The following GTF3C1 variants were observed in gnomAD, a reference collection of about 807,000 sequenced individuals.
GTF3C1 encodes the protein general transcription factor 3C polypeptide 1.
In GTF3C1, 57 loss-of-function variants were observed where a neutral mutation model predicts 226.7. The observed-to-expected ratio is 0.25, with a 90% CI of 0.20 to 0.31. The LOEUF (loss-of-function observed/expected upper bound fraction) is 0.31. GTF3C1 is among the 10% of genes least tolerant of loss of function. The pLI is 1.00. For synonymous variants in GTF3C1, 1,090 were observed against 1,084.8 expected, an observed-to-expected ratio of 1.00 and a Z score of -0.09; for missense variants, 2,217 against 2,776.1, an observed-to-expected ratio of 0.80 and a Z score of 4.53.
intron 32 of GTF3C1, 140 bp from the exon 33 acceptor site, chr16:27,465,680 G>A (rs1041153900): frequency 7.4e-6 from 5 of 672,954 alleles, no homozygotes; most frequent in African/African-American, 1.8e-5. Context: ...CACCTGCTGG[G>A]TGGACACACT....
chr16:27,489,839 C>A, intron 19 of GTF3C1, 96 bp from the exon 20 acceptor site: 1 of 1,323,238 alleles, frequency 7.6e-7, no homozygotes, highest in South Asian at 1.3e-5. Flanking sequence ...AGTGGATTCC[C>A]TGCCTGTGAA....
rs2141340239 is a variant in GTF3C1, at chr16:27,464,629, G to A, written c.5563C>T (p.His1855Tyr). 1.3e-6 allele frequency: 2 copies of A among 1,509,804 alleles called. No homozygotes were observed. The highest frequency in any genetic ancestry group is 1.8e-6 in the Non-Finnish European group (2 of 1,129,970). The allele number at this position is 1,509,804 out of a possible 1,614,324, so 93.5% of individuals were successfully genotyped here. The change falls in exon 34 of 37, where the codon CAC (histidine) becomes TAC (tyrosine). Residue 1855 changes from histidine (H) to tyrosine (Y), a missense_variant. Transcript: ENST00000356183. Reference sequence around the variant, plus strand: ...CGCCTCTTGGTGCCCCGGGGGCTGTGAGAAGGAGGTGCCTGCCCCTCGGGG... The same window carrying A: ...CGCCTCTTGGTGCCCCGGGGGCTGTAAGAAGGAGGTGCCTGCCCCTCGGGG... Reference protein sequence around the residue: ...SPPEGQAPPSHSPRGTKRRAS... With the variant: ...SPPEGQAPPSYSPRGTKRRAS...
chr16:27,511,785 A>G lies in GTF3C1; in HGVS notation c.1090T>C (p.Phe364Leu), dbSNP rs1167819009. 7.4e-6 allele frequency: 12 copies of G among 1,614,078 alleles called. 1 individual carries two copies. The highest frequency in any genetic ancestry group is 2.7e-5 in the African/African-American group (2 of 74,910). ...GTCTGTGTGAGCATATCCCGCTCGA[A>G]CACAATGTCCACTGGAGGCACTGTC... ...SKTVPPVDIV[F>L]ERDMLTQTYD... The change falls in exon 7 of 37, where the codon TTC becomes CTC. Residue 364 changes from phenylalanine to leucine, a missense_variant. Coordinates refer to ENST00000356183, the MANE Select transcript of GTF3C1 (RefSeq NM_001520.4).
intron 12 of GTF3C1, among the ~76,000 whole-genome samples, chr16:27,499,347 C>T (rs1230115963): frequency 6.6e-6 from 1 of 152,214 alleles, no homozygotes; most frequent in Non-Finnish European, 1.5e-5. Context: ...AGGGAAGTAA[C>T]TTGAATGCCC....
Position 27,492,686 on chromosome 16 carries a change from G to T in GTF3C1, c.2904C>A (p.Asn968Lys). ...KRRYIFSVVE[N>K]LQRLCYMGLL... is the part of the protein sequence containing the mutation. ...GCCCCATGTAGCACAGCCTCTGAAG[G>T]TTCTCCACCACCGAAAAAATGTAAC... The change falls in exon 18 of 37, where the codon AAC (asparagine) becomes AAA (lysine). Residue 968 changes from asparagine (N) to lysine (K), a missense_variant. By Grantham distance (94) the Asn-to-Lys change is moderately conservative. Around this residue, in one of 12 missense-constraint regions of GTF3C1, gnomAD observed 353 missense variants for 411.7 expected, o/e 0.86. Transcript: ENST00000356183. The surrounding 1 kb of genome is among the most constrained non-coding windows in gnomAD (Gnocchi z 5.0). 6.2e-7 allele frequency: 1 copy of T among 1,602,374 alleles called. No homozygotes were observed. Among genetic ancestry groups the T allele is most frequent in the African/African-American group, 1.3e-5 (1 of 74,792 alleles).
intron 28 of GTF3C1, 100 bp downstream of exon 28, chr16:27,478,369 G>A (rs2087984868): frequency 3.6e-6 from 3 of 832,826 alleles, no homozygotes; most frequent in Non-Finnish European, 2.1e-6. Context: ...CAAACAGGTA[G>A]TGGGCTGGAT....
intron 2 of GTF3C1, among the ~76,000 whole-genome samples, chr16:27,538,673 G>C (rs955250138): frequency 6.6e-6 from 1 of 152,088 alleles, no homozygotes; most frequent in African/African-American, 2.4e-5. Flanking sequence ...AGCTCTCCAC[G>C]GCCCATCCCT....
At position 27,470,265 on chromosome 16, in the gene GTF3C1, T is replaced by A; in HGVS notation, c.4657A>T (p.Thr1553Ser). 1.2e-6 allele frequency: 2 copies of A among 1,614,124 alleles called. No homozygotes were observed. Among genetic ancestry groups the A allele is most frequent in the Admixed American group, 3.3e-5 (2 of 60,030 alleles). Residue 1553 changes from threonine to serine, a missense_variant, in exon 31 of 37, where the codon ACA becomes TCA. Transcript: ENST00000356183. The surrounding 1 kb of genome is among the most constrained non-coding windows in gnomAD (Gnocchi z 4.9). ...AGTGAAAAGGCCACCATGTCGTTTG[T>A]GGGCTCGTTATTATCCTGGTCTTTG... is the stretch of plus-strand genomic sequence containing the variant. ...SFKDQDNNEPTNDMVAFSLDG... is the reference protein window; with the variant it reads ...SFKDQDNNEPSNDMVAFSLDG...
At chr16:27,506,647 A>T (rs562242569) in intron 9 of GTF3C1, among the ~76,000 whole-genome samples, 200 bp downstream of exon 9, 15 of 152,346 alleles carry the variant, frequency 9.8e-5, no homozygotes, top group Non-Finnish European at 1.5e-4. Context: ...CCACGAAGAA[A>T]TGATTTGCAA....
intron 13 of GTF3C1, 107 bp downstream of exon 13, chr16:27,498,521 AAT>A (rs1262677333): frequency 1.4e-6 from 1 of 732,802 alleles, no homozygotes; most frequent in African/African-American, 1.7e-5. Context: ...CAAACCAACA[AAT>A]TCACTGATCC....
intron 9 of GTF3C1, 39 bp from the exon 10 acceptor site, chr16:27,506,155 G>A (rs2088481470): frequency 8.7e-7 from 1 of 1,154,012 alleles, no homozygotes; most frequent in Non-Finnish European, 1.3e-6. Flanking sequence ...TCAAGGGGGA[G>A]GCCAGGAGGG....
chr16:27,512,210 C>T (rs1042650591), intron 6 of GTF3C1, among the ~76,000 whole-genome samples: 1 of 152,186 alleles, frequency 6.6e-6, no homozygotes, highest in Non-Finnish European at 1.5e-5. Context: ...TGGAGACCAG[C>T]TCCATGACAA....
At chr16:27,540,489 T>C (rs1335907069) in intron 2 of GTF3C1, among the ~76,000 whole-genome samples, 1 of 152,180 alleles carries the variant, frequency 6.6e-6, no homozygotes, top group African/African-American at 2.4e-5. Flanking sequence ...ACTGACATGA[T>C]CCCAATGTTT....
chr16:27,501,814 G>T (rs551401236), intron 11 of GTF3C1, among the ~76,000 whole-genome samples: 1 of 152,328 alleles, frequency 6.6e-6, no homozygotes, highest in Admixed American at 6.5e-5. Context: ...ATCATAGAAT[G>T]CAGGGCCAGT....
rs143331742 is a variant in GTF3C1, at chr16:27,465,447, T to C, written c.5168A>G (p.Glu1723Gly). 9.0e-5 allele frequency: 145 copies of C among 1,612,888 alleles called. 1 individual carries two copies. In the African/African-American group the frequency reaches 1.6e-3, roughly 17 times the overall value. ...INPQENTCSLEEFVLQLELSG... is the reference protein window; with the variant it reads ...INPQENTCSLGEFVLQLELSG... ...CAGCTCCAGCTGGAGGACAAACTCC[T>C]CCAAGCTGCAGGTGTTTTCCTGGGG... The change falls in exon 33 of 37, where the codon GAG becomes GGG. Residue 1723 changes from glutamate to glycine, a missense_variant. By Grantham distance (98) the Glu-to-Gly change is moderately conservative. This residue lies in a region of GTF3C1 where 455 missense variants were observed against 441.9 expected (regional missense o/e 1.03). Transcript: ENST00000356183.
In GTF3C1 at chr16:27,469,396, C is replaced by A; in HGVS notation, c.4969G>T (p.Val1657Phe). 6.2e-7 allele frequency: 1 copy of A among 1,613,538 alleles called. No homozygotes were observed. Among genetic ancestry groups the A allele is most frequent in the East Asian group, 2.2e-5 (1 of 44,880 alleles). The change falls in exon 32 of 37, where the codon GTC becomes TTC. Residue 1657 changes from valine (V) to phenylalanine (F), a missense_variant. Physicochemically the swap from Val to Phe is conservative, Grantham distance 50. This residue lies in a region of GTF3C1 where 455 missense variants were observed against 441.9 expected (regional missense o/e 1.03). Coordinates refer to ENST00000356183, the MANE Select transcript of GTF3C1 (RefSeq NM_001520.4). This position sits in a 1 kb window ranked among gnomAD's most constrained non-coding sequence, Gnocchi z 4.5. ...TTGGGGTTGAGGTTGCGGGTGCTGA[C>A]GATGCCGGGGGAGTAGTAGCCCCTC... ...LMRGYYSPGI[V>F]STRNLNPNDS...
At position 27,464,308 on chromosome 16, in the gene GTF3C1, GGC is replaced by G. The variant is rs765613774; in HGVS notation, c.5872+10_5872+11del. ...TGGGGTGAGGTGGGGTGGGGGACAA[GGC>G]GCGCGGTACCTCTGGGGTCTTCAGA... On this transcript the variant is annotated intron_variant, in intron 34 of 36. Transcript: ENST00000356183. 7.5e-5 allele frequency: 108 copies of G among 1,444,962 alleles called. 1 individual carries two copies. Among genetic ancestry groups the G allele is most frequent in the South Asian group, 3.1e-5 (2 of 63,750 alleles). The allele number at this position is 1,444,962 out of a possible 1,614,324, so 89.5% of individuals were successfully genotyped here.
chr16:27,521,079 C>T (rs1213514953), intron 6 of GTF3C1, among the ~76,000 whole-genome samples: 2 of 152,218 alleles, frequency 1.3e-5, no homozygotes, highest in African/African-American at 4.8e-5. Flanking sequence ...CTGTGCAGTG[C>T]TAACAGCAGC....
At position 27,461,385 on chromosome 16, in the gene GTF3C1, G is replaced by C. The variant is rs200376969; in HGVS notation, c.6295C>G (p.His2099Asp). 1.2e-6 allele frequency: 2 copies of C among 1,613,072 alleles called. No individual in the cohort carries two copies. Among genetic ancestry groups the C allele is most frequent in the Admixed American group, 1.7e-5 (1 of 59,980 alleles). ...CTLRLGRVFP[H>D]EVNWNKWIHL ...ATCCACTTGTTCCAGTTGACCTCGT[G>C]GGGGAACACACGGCCCAGCCGGAGG... Residue 2099 changes from histidine (H) to aspartate (D), a missense_variant, in exon 37 of 37, where the codon CAC becomes GAC. His to Asp is a moderately conservative substitution (Grantham distance 81). Around this residue, in one of 12 missense-constraint regions of GTF3C1, gnomAD observed 153 missense variants for 199.8 expected, o/e 0.77. Transcript: ENST00000356183. The surrounding 1 kb of genome is among the most constrained non-coding windows in gnomAD (Gnocchi z 5.3).
Sources: allele counts gnomAD v4.1 joint callset (sites outside exome capture counted in the v4.1 genomes callset), GRCh38; gene constraint gnomAD v4.1.1; regional missense constraint gnomAD v4.1.1; non-coding constraint Gnocchi (gnomAD v3.1); transcripts MANE v1.5; gene names NCBI Gene and HGNC (gene_info 2026-07-23, HGNC 2026-07-21).